POLR1C: variants seen among roughly 807,000 people sequenced by gnomAD.
POLR1C encodes the protein DNA-directed RNA polymerases I and III subunit RPAC1.
POLR1C carries 42 observed loss-of-function variants against 38.3 expected under a neutral mutation model. That is an observed-to-expected ratio of 1.10 (90% CI 0.86 to 1.42). The LOEUF is 1.42. POLR1C is among the 40% of genes most tolerant of loss of function. POLR1C has a pLI of 0.00. For synonymous variants in POLR1C, 163 were observed against 163.9 expected (o/e 0.99, Z 0.04); for missense variants, 507 against 450.5 (o/e 1.13, Z -1.14).
At chr6:43,523,353 C>A, downstream of POLR1C, 1 of 276,562 alleles carries the variant, frequency 3.6e-6, no homozygotes, top group Non-Finnish European at 7.1e-6. Flanking sequence ...CACTTAGCAC[C>A]TAACCCAGAC....
chr6:43,526,253 C>T (rs1206654805), downstream of POLR1C: 2 of 381,624 alleles, frequency 5.2e-6, no homozygotes, highest in Non-Finnish European at 9.7e-6. Flanking sequence ...CAATAGGTCC[C>T]TTCCCTGATG....
chr6:43,532,997 T>C (rs150428815), downstream of POLR1C, among the ~76,000 whole-genome samples: 82 of 152,012 alleles, frequency 5.4e-4, 2 homozygotes, highest in East Asian at 0.015. Context: ...ATACAAAAAA[T>C]TAGCCGGGTG....
intron 9 of POLR1C, among the ~76,000 whole-genome samples, chr6:43,538,316 C>G (rs1478777064): frequency 6.6e-6 from 1 of 151,552 alleles, no homozygotes; most frequent in East Asian, 2.0e-4. Context: ...CACCTGGTTA[C>G]TTTTTTAAAT....
At chr6:43,522,771 C>T (rs758925973), downstream of POLR1C, 1 of 467,854 alleles carries the variant, frequency 2.1e-6, no homozygotes, top group South Asian at 1.6e-5. Context: ...CATGGACACA[C>T]TGGTTTCTGT....
At chr6:43,536,787 A>AAAAAAAAAG (rs1561869430) in intron 9 of POLR1C, among the ~76,000 whole-genome samples, 1 of 148,472 alleles carries the variant, frequency 6.7e-6, no homozygotes, top group African/African-American at 2.6e-5. Flanking sequence ...AAAAAAAAAA[A>AAAAAAAAAG]AAAGCAGCTT....
chr6:43,548,536 A>T (rs1795074410), intron 9 of POLR1C: 1 of 1,327,530 alleles, frequency 7.5e-7, no homozygotes. Flanking sequence ...CTCAAGGAAG[A>T]AAGAAGAAAA....
chr6:43,520,716 A>G lies in POLR1C; in HGVS notation c.747A>G (p.Ala249=). The change falls in exon 7 of 9, where the codon GCA becomes GCG. Residue 249 remains alanine (A), a synonymous_variant. Transcript: ENST00000642195. Reference sequence around the variant, plus strand: ...TGCTTGAGCCCGTGGAAGGGGAGGCAGCTGAGGAGTTGAGCAGGTGCTTCT... The same window carrying G: ...TGCTTGAGCCCGTGGAAGGGGAGGCGGCTGAGGAGTTGAGCAGGTGCTTCT... ...ITLLEPVEGE[A]AEELSRCFSP... The G allele has an allele frequency of 6.2e-7, 1 of 1,614,164 alleles. No homozygotes were observed. Among genetic ancestry groups the G allele is most frequent in the Non-Finnish European group, 8.5e-7 (1 of 1,180,022 alleles).
At chr6:43,527,494 G>A in intron 8 of POLR1C, 1 of 770,468 alleles carries the variant, frequency 1.3e-6, no homozygotes, top group Non-Finnish European at 2.1e-6. Flanking sequence ...GGATGGTCTT[G>A]ATCTTTTGAC....
intron 9 of POLR1C, chr6:43,546,542 A>G: frequency 6.3e-7 from 1 of 1,582,326 alleles, no homozygotes; most frequent in Non-Finnish European, 8.6e-7. Flanking sequence ...AGTAGAAAAC[A>G]ACAGAGAAAA....
chr6:43,544,959 G>A (rs1049787739), intron 9 of POLR1C, among the ~76,000 whole-genome samples: 1 of 152,050 alleles, frequency 6.6e-6, no homozygotes, highest in Non-Finnish European at 1.5e-5. Flanking sequence ...TGCAATCTCC[G>A]CCTCCCGGGT....
At chr6:43,529,959 G>A (rs532291140), downstream of POLR1C, among the ~76,000 whole-genome samples, 30 of 148,304 alleles carry the variant, frequency 2.0e-4, no homozygotes, top group African/African-American at 6.5e-4. Flanking sequence ...AGGGATAAAA[G>A]TTTTATCTTT....
In POLR1C at chr6:43,557,919, A is replaced by C. The variant is rs1419191447; in HGVS notation, c.*49-3481A>C. On this transcript the variant is annotated intron_variant, in intron 10 of 10. Coordinates refer to the POLR1C transcript ENST00000607635. ...GAGACCAGCCTGACCAACATGGAGA[A>C]ACCCCATCTCTACCAAAAATGCAAA... Among the ~76,000 whole-genome samples, 3 of 152,116 alleles carry C rather than the reference A, an allele frequency of 2.0e-5. No homozygotes were observed. In the East Asian group the frequency reaches 5.8e-4, roughly 29 times the overall value.
chr6:43,559,836 A>G (rs970703483), intron 10 of POLR1C, among the ~76,000 whole-genome samples: 3 of 152,124 alleles, frequency 2.0e-5, no homozygotes, highest in African/African-American at 7.2e-5. Flanking sequence ...TTCCCCCGAG[A>G]CAGGGTCTCA....
exon 9 of POLR1C, chr6:43,529,385 A>G (rs1159323101): frequency 5.4e-6 from 2 of 370,102 alleles, no homozygotes; most frequent in East Asian, 1.7e-4. Context: ...TACTAAAAAA[A>G]AAAAAAAAAA....
At chr6:43,528,100 C>G in intron 8 of POLR1C, 1 of 1,530,416 alleles carries the variant, frequency 6.5e-7, no homozygotes, top group East Asian at 2.4e-5. Context: ...GCTTCCTTTT[C>G]CCACCCCAAA....
downstream of POLR1C, chr6:43,530,963 A>ATAGATACAGCATCTT: frequency 9.1e-7 from 1 of 1,104,430 alleles, no homozygotes; most frequent in South Asian, 1.7e-5. Context: ...AAGAGAACTT[A>ATAGATACAGCATCTT]TAGATACAGC....
intron 10 of POLR1C, among the ~76,000 whole-genome samples, chr6:43,554,336 C>A (rs995113327): frequency 5.9e-5 from 9 of 151,926 alleles, no homozygotes; most frequent in Non-Finnish European, 1.3e-4. Flanking sequence ...TGGTCTTAAA[C>A]TCCTGACCTT....
downstream of POLR1C, chr6:43,531,714 G>A (rs549619111): frequency 7.1e-4 from 508 of 712,964 alleles, 3 homozygotes; most frequent in South Asian, 1.0e-3. Context: ...AGTTGGCTAC[G>A]TGATTTGCTG....
downstream of POLR1C, chr6:43,526,029 A>AGTG: frequency 3.1e-6 from 4 of 1,279,342 alleles, no homozygotes; most frequent in Non-Finnish European, 4.4e-6. Context: ...TTCTAGGCTA[A>AGTG]GTGGTGGCTA....
Sources: allele counts gnomAD v4.1 joint callset (sites outside exome capture counted in the v4.1 genomes callset), GRCh38; gene constraint gnomAD v4.1.1; transcripts MANE v1.5; gene names NCBI Gene and HGNC (gene_info 2026-07-23, HGNC 2026-07-21).